The following SLC5A12 variants were observed in gnomAD, a reference collection of about 807,000 sequenced individuals.
SLC5A12 encodes the protein solute carrier family 5 member 12.
In SLC5A12, 46 loss-of-function variants were observed where a neutral mutation model predicts 72.7. The observed-to-expected ratio is 0.63, with a 90% CI of 0.50 to 0.81. The LOEUF is 0.81. Ranked by LOEUF, SLC5A12 falls within the 30% of genes least tolerant of loss-of-function variation. SLC5A12 has a pLI of 0.00. For synonymous variants in SLC5A12, 275 were observed against 264.4 expected (o/e 1.04, Z -0.39); for missense variants, 683 against 740.7 (o/e 0.92, Z 0.90).
At chr11:26,688,809 T>C (rs931888566) in intron 9 of SLC5A12, among the ~76,000 whole-genome samples, 6 of 151,942 alleles carry the variant, frequency 3.9e-5, no homozygotes, top group Non-Finnish European at 8.8e-5. Flanking sequence ...GCAAGGAAAT[T>C]AAAATGACAA....
chr11:26,689,211 C>T (rs940307133), intron 9 of SLC5A12, among the ~76,000 whole-genome samples: 1 of 151,650 alleles, frequency 6.6e-6, no homozygotes, highest in African/African-American at 2.4e-5. Context: ...GCCTGGCCAA[C>T]ATGGTGAAAC....
chr11:26,692,889 C>G (rs1319204799), intron 8 of SLC5A12, among the ~76,000 whole-genome samples: 1 of 151,890 alleles, frequency 6.6e-6, no homozygotes, highest in Non-Finnish European at 1.5e-5. Context: ...AATGAACTAG[C>G]AGGCAGCACC....
At chr11:26,713,175 A>G (rs758339501) in intron 1 of SLC5A12, among the ~76,000 whole-genome samples, 1 of 152,098 alleles carries the variant, frequency 6.6e-6, no homozygotes, top group Non-Finnish European at 1.5e-5. Context: ...CAGAGCTCTG[A>G]TCATGCTGCT....
Position 26,671,174 on chromosome 11 carries a change from C to G in SLC5A12, c.1785G>C (p.Leu595=). ...VLQNGLRRES[L]VHVPGYDPKD... is the part of the protein sequence containing the mutation. ...TAGGATCATAGCCTGGAACATGTACCAGGCTTTCTCTTCTGAGTCCGTTCT... is the reference window on the plus strand; with the variant it reads ...TAGGATCATAGCCTGGAACATGTACGAGGCTTTCTCTTCTGAGTCCGTTCT... The change falls in exon 15 of 15, where the codon CTG becomes CTC. Residue 595 remains leucine, a synonymous_variant. Transcript: ENST00000396005. 1 of 1,612,612 alleles carries G rather than the reference C, an allele frequency of 6.2e-7. No homozygotes were observed.
intron 13 of SLC5A12, among the ~76,000 whole-genome samples, chr11:26,675,801 T>C (rs1350597598): frequency 6.6e-6 from 1 of 152,070 alleles, no homozygotes; most frequent in African/African-American, 2.4e-5. Flanking sequence ...TCAGCAGAAG[T>C]CCTGAGTATA....
In SLC5A12 at chr11:26,669,187, T is replaced by TTTTCTTTTTCTTTCTTTCTTTATTTC. The variant is rs1554988602; in HGVS notation, c.*1914_*1915insGAAATAAAGAAAGAAAGAAAAAGAAA. ...TGTCTTTTTCTTTCTTTCTTTCTTCTTTTCTTTCTTTCTTTCTTTCTTTCT... is the reference window on the plus strand; with the variant it reads ...TGTCTTTTTCTTTCTTTCTTTCTTCTTTTCTTTTTCTTTCTTTCTTTATTTCTTTCTTTCTTTCTTTCTTTCTTTCT... On this transcript the variant is annotated 3_prime_UTR_variant, in exon 15 of 15. Coordinates refer to ENST00000396005, the MANE Select transcript of SLC5A12 (RefSeq NM_178498.4). The TTTTCTTTTTCTTTCTTTCTTTATTTC allele has an allele frequency of 2.7e-5, 3 of 110,942 alleles. No individual in the cohort carries two copies. The highest frequency in any genetic ancestry group is 5.9e-5 in the Non-Finnish European group (3 of 50,896). The allele number at this position is 110,942 out of a possible 1,614,324, so 6.9% of individuals were successfully genotyped here. A position where few individuals can be genotyped will look rare whatever the true frequency, so the allele number is the denominator to read the frequency against.
At chr11:26,698,566 C>A in intron 6 of SLC5A12, 31 bp from the exon 7 acceptor site, 1 of 1,611,234 alleles carries the variant, frequency 6.2e-7, no homozygotes, top group Non-Finnish European at 8.5e-7. Flanking sequence ...CTATTGGTAG[C>A]CTGTATACCA....
intron 12 of SLC5A12, among the ~76,000 whole-genome samples, chr11:26,679,528 C>A (rs1265070959): frequency 6.6e-6 from 1 of 151,890 alleles, no homozygotes; most frequent in Non-Finnish European, 1.5e-5. Flanking sequence ...CCATTTGGAA[C>A]CTGAGTCAAA....
At chr11:26,672,826 G>A (rs1234951421) in intron 14 of SLC5A12, among the ~76,000 whole-genome samples, 3 of 152,158 alleles carry the variant, frequency 2.0e-5, no homozygotes, top group Non-Finnish European at 4.4e-5. Context: ...GGGAGTTAGA[G>A]AGTTAGGTGC....
At chr11:26,684,432 C>T (rs555328972) in intron 10 of SLC5A12, among the ~76,000 whole-genome samples, 1 of 152,208 alleles carries the variant, frequency 6.6e-6, no homozygotes, top group African/African-American at 2.4e-5. Context: ...CTAGTGATTA[C>T]ATAGGAGAGT....
At chr11:26,689,242 A>G (rs1243749201) in intron 9 of SLC5A12, among the ~76,000 whole-genome samples, 3 of 152,220 alleles carry the variant, frequency 2.0e-5, no homozygotes, top group East Asian at 1.9e-4. Context: ...CTAAAAAAAT[A>G]CAAAATTTAG....
chr11:26,674,546 C>G (rs960254632), intron 13 of SLC5A12, among the ~76,000 whole-genome samples: 1 of 151,936 alleles, frequency 6.6e-6, no homozygotes, highest in Non-Finnish European at 1.5e-5. Context: ...ACTACAGGCA[C>G]GAACTACCAT....
intron 13 of SLC5A12, 28 bp from the exon 14 acceptor site, chr11:26,673,557 A>G (rs919935115): frequency 1.3e-6 from 2 of 1,574,716 alleles, no homozygotes; most frequent in Non-Finnish European, 1.7e-6. Context: ...AATAGATTAG[A>G]TGGTTGCAGG....
intron 6 of SLC5A12, 26 bp from the exon 7 acceptor site, chr11:26,698,561 G>T: frequency 6.2e-7 from 1 of 1,612,824 alleles, no homozygotes; most frequent in South Asian, 1.1e-5. Flanking sequence ...TGGGCCTATT[G>T]GTAGCCTGTA....
At position 26,668,396 on chromosome 11, in the gene SLC5A12, T is replaced by C. The variant is rs891720011; in HGVS notation, c.*2706A>G. 2.0e-5 allele frequency: 3 copies of C among 152,046 alleles called. No homozygotes were observed. The highest frequency in any genetic ancestry group is 2.9e-5 in the Non-Finnish European group (2 of 68,004). The allele number at this position is 152,046 out of a possible 1,614,324, so 9.4% of individuals were successfully genotyped here. A position where few individuals can be genotyped will look rare whatever the true frequency, so the allele number is the denominator to read the frequency against. The stretch of plus-strand genomic sequence containing the variant: ...TAGTGCCATTTATTGAGAATGTCTC[T>C]GGTCATGCTGTGGCAAAAACAGCCA... On this transcript the variant is annotated 3_prime_UTR_variant, in exon 15 of 15. Transcript: ENST00000396005.
At chr11:26,682,978 C>G (rs561833312) in intron 11 of SLC5A12, among the ~76,000 whole-genome samples, 7 of 152,042 alleles carry the variant, frequency 4.6e-5, no homozygotes, top group Non-Finnish European at 8.8e-5. Flanking sequence ...GAGACCTAAT[C>G]AAGTATACTA....
At position 26,678,791 on chromosome 11, in the gene SLC5A12, G is replaced by A. The variant is rs1370730815; in HGVS notation, c.1500C>T (p.Tyr500=). The A allele has an allele frequency of 1.9e-6, 3 of 1,613,010 alleles. No homozygotes were observed. The highest frequency in any genetic ancestry group is 1.3e-5 in the African/African-American group (1 of 74,918). ...SSRPGIADTW[Y]SISYLYYSAV... ...CACTGTAGTAAAGGTAGGAGATCGA[G>A]TACCAGGTATCAGCTATTCCAGGTC... The change falls in exon 13 of 15, where the codon TAC becomes TAT. Residue 500 remains tyrosine, a synonymous_variant. Coordinates refer to ENST00000396005, the MANE Select transcript of SLC5A12 (RefSeq NM_178498.4).
chr11:26,718,620 TTGTGTGTGTGTGTGTG>T (rs10578471), intron 1 of SLC5A12, among the ~76,000 whole-genome samples: 6 of 149,690 alleles, frequency 4.0e-5, no homozygotes, highest in East Asian at 4.0e-4. Flanking sequence ...CTGGCTAATT[TTGTGTGTGTGTGTGTG>T]TGTGTGTGTG....
intron 13 of SLC5A12, among the ~76,000 whole-genome samples, chr11:26,677,817 G>A (rs1360861465): frequency 3.3e-5 from 5 of 152,148 alleles, no homozygotes; most frequent in African/African-American, 1.2e-4. Flanking sequence ...TGTTGAGTCA[G>A]AATGTTGGCC....
Sources: gnomAD v4.1 joint callset for allele counts (sites outside exome capture counted in the v4.1 genomes callset) on GRCh38, gnomAD v4.1.1 for gene constraint, MANE v1.5 for transcripts, NCBI Gene and HGNC (gene_info 2026-07-23, HGNC 2026-07-21) for gene names.